Variants in ERG observed in about 807,000 individuals in gnomAD.
ERG encodes transcriptional regulator ERG.
A neutral mutation model predicts 55.3 loss-of-function variants in ERG; 9 were observed. The observed-to-expected ratio is 0.16, with a 90% CI of 0.10 to 0.28. The LOEUF (loss-of-function observed/expected upper bound fraction) is 0.28, where lower values mean the gene tolerates loss of function less well. Ranked by LOEUF, ERG falls within the 10% of genes least tolerant of loss-of-function variation. The pLI, the probability that ERG is intolerant of heterozygous loss-of-function variation, is 1.00. For synonymous variants in ERG, 223 were observed against 237.3 expected (o/e 0.94, Z 0.55); for missense variants, 434 against 631.6 (o/e 0.69, Z 3.35).
chr21:38,475,434 C>T lies in ERG; in HGVS notation c.18+22929G>A, dbSNP rs557331748. On this transcript the variant is annotated intron_variant, in intron 1 of 9. Coordinates refer to ENST00000288319, the MANE Select transcript of ERG (RefSeq NM_182918.4). Reference sequence around the variant, plus strand: ...CCCGATTACAATCAAAGCAGATGGACCCTTCCTTAGGGTAGGGCTGTTCTT... The same window carrying T: ...CCCGATTACAATCAAAGCAGATGGATCCTTCCTTAGGGTAGGGCTGTTCTT... Among the ~76,000 whole-genome samples the T allele has an allele frequency of 3.5e-4, 53 of 152,266 alleles. No homozygotes were observed. The South Asian group carries it at 9.7e-3, about 28-fold the overall frequency.
intron 3 of ERG, among the ~76,000 whole-genome samples, chr21:38,415,872 G>A (rs1220095069): frequency 6.6e-6 from 1 of 152,062 alleles, no homozygotes; most frequent in Admixed American, 6.6e-5. Context: ...CAGAATCCAA[G>A]TGCTGGCTGT....
chr21:38,650,087 A>C (rs2060479765), intron 1 of ERG, among the ~76,000 whole-genome samples: 1 of 151,614 alleles, frequency 6.6e-6, no homozygotes, highest in Non-Finnish European at 1.5e-5. Context: ...TTTATTTAGC[A>C]GTTTTTGTTT....
rs190091992 is a variant in ERG at position 38,630,608 on chromosome 21, T to C, written c.-150+31050A>G. 3.0e-3 allele frequency among the ~76,000 whole-genome samples: 457 copies of C among 152,344 alleles called. 6 individuals carry two copies. The highest frequency in any genetic ancestry group is 0.011 in the African/African-American group (440 of 41,584). On this transcript the variant is annotated intron_variant, in intron 1 of 10. Transcript: ENST00000398910. ...CATGGCTTCAAGGGAAGCTGGGCAA[T>C]GTTGACTTTGTTCTGGGCACCCATC...
intron 2 of ERG, among the ~76,000 whole-genome samples, chr21:38,553,941 G>T (rs978314913): frequency 1.3e-5 from 2 of 151,190 alleles, no homozygotes; most frequent in African/African-American, 4.9e-5. Flanking sequence ...TCCAACAAAG[G>T]TCTAATATGC....
chr21:38,460,853 G>C lies in ERG; in HGVS notation c.19-15232C>G, dbSNP rs2059035392. 6.6e-6 allele frequency among the ~76,000 whole-genome samples: 1 copy of C among 152,166 alleles called. No homozygotes were observed. The highest frequency in any genetic ancestry group is 1.5e-5 in the Non-Finnish European group (1 of 68,028). On this transcript the variant is annotated intron_variant, in intron 1 of 9. Transcript: ENST00000288319. This position sits in a 1 kb window ranked among gnomAD's most constrained non-coding sequence, Gnocchi z 5.0. ...CTCTGAATGGCAAATGGCAGACAAT[G>C]GTGTCACTTCCTTTCTGCTTAGGAA...
chr21:38,453,799 G>A (rs755698061), intron 1 of ERG, among the ~76,000 whole-genome samples: 3 of 150,142 alleles, frequency 2.0e-5, no homozygotes, highest in Non-Finnish European at 4.4e-5. Context: ...CAAGAGAATC[G>A]CTTGAACCCG....
At chr21:38,633,830 C>T (rs74834874) in intron 1 of ERG, among the ~76,000 whole-genome samples, 3 of 151,332 alleles carry the variant, frequency 2.0e-5, no homozygotes, top group African/African-American at 7.3e-5. Flanking sequence ...TTTTAAAGGT[C>T]CTTCTTTTTA....
chr21:38,382,747 C>T lies in ERG; in HGVS notation c.*656G>A. The T allele has an allele frequency of 9.4e-7, 1 of 1,066,430 alleles. No homozygotes were observed. The highest frequency in any genetic ancestry group is 1.1e-6 in the Non-Finnish European group (1 of 879,684). 66.1% of individuals were successfully genotyped at this position (1,066,430 alleles called of 1,614,324 possible). ...CGCTCACTCTATACACATCCTCAGT[C>T]CCACCTTTTAGTTCATAGTCCCGGT... On this transcript the variant is annotated 3_prime_UTR_variant, in exon 10 of 10. Transcript: ENST00000288319.
intron 2 of ERG, among the ~76,000 whole-genome samples, chr21:38,556,913 C>A (rs1241153012): frequency 6.6e-6 from 1 of 152,188 alleles, no homozygotes; most frequent in Non-Finnish European, 1.5e-5. Flanking sequence ...CTGATTAACG[C>A]TGGGGTAGCC....
intron 3 of ERG, among the ~76,000 whole-genome samples, chr21:38,407,646 T>TATATATG (rs34894423): frequency 7.0e-6 from 1 of 142,636 alleles, no homozygotes; most frequent in Non-Finnish European, 1.5e-5. Context: ...ATATATATAT[T>TATATATG]TAATGTATAT....
intron 1 of ERG, among the ~76,000 whole-genome samples, chr21:38,630,109 G>A (rs182308667): frequency 1.1e-4 from 16 of 152,218 alleles, no homozygotes; most frequent in African/African-American, 3.6e-4. Flanking sequence ...TGGAAAGGGG[G>A]AAGGGGGAAT....
chr21:38,373,644 C>T, the ERG span, among the ~76,000 whole-genome samples: 495 of 152,284 alleles, frequency 3.3e-3, 10 homozygotes, highest in East Asian at 0.064. Flanking sequence ...ATGTATATTA[C>T]CATCTTGGAG....
chr21:38,578,746 T>C (rs1467566372), intron 1 of ERG, among the ~76,000 whole-genome samples: 1 of 152,044 alleles, frequency 6.6e-6, no homozygotes, highest in Non-Finnish European at 1.5e-5. Flanking sequence ...GCTAGCCAAG[T>C]CCAACCAGAA....
intron 2 of ERG, among the ~76,000 whole-genome samples, chr21:38,560,371 C>A (rs1461271928): frequency 6.6e-6 from 1 of 152,132 alleles, no homozygotes; most frequent in Admixed American, 6.5e-5. Context: ...CACCTCAGGC[C>A]CTGCCTCATC....
chr21:38,538,026 G>A (rs895050684), intron 2 of ERG, among the ~76,000 whole-genome samples: 1 of 152,156 alleles, frequency 6.6e-6, no homozygotes, highest in Non-Finnish European at 1.5e-5. Context: ...GGAAAGTTAA[G>A]AGATTGTCTT....
At position 38,438,808 on chromosome 21, in the gene ERG, A is replaced by G. The variant is rs2211870; in HGVS notation, c.236+6596T>C. Among the ~76,000 whole-genome samples the G allele has an allele frequency of 7.5e-4, 114 of 152,150 alleles. No individual in the cohort carries two copies. In the East Asian group the frequency reaches 0.018, roughly 24 times the overall value. ...CAGCTGCTGGGCTTTCTCATTTTTC[A>G]TCTCCTTGGATCGTGCAACAGAGCA... On this transcript the variant is annotated intron_variant, in intron 2 of 9. Coordinates refer to ENST00000288319, the MANE Select transcript of ERG (RefSeq NM_182918.4).
chr21:38,517,654 C>T (rs1357632856), intron 2 of ERG, among the ~76,000 whole-genome samples: 1 of 152,042 alleles, frequency 6.6e-6, no homozygotes, highest in African/African-American at 2.4e-5. Context: ...GATACTTGCA[C>T]CCACATGTTT....
intron 1 of ERG, among the ~76,000 whole-genome samples, chr21:38,597,133 A>G (rs548796336): frequency 5.9e-4 from 90 of 152,298 alleles, no homozygotes; most frequent in African/African-American, 2.1e-3. Context: ...TGCCTTCCCA[A>G]TTTCAGACTT....
At chr21:38,515,704 T>C (rs1370641942) in intron 2 of ERG, among the ~76,000 whole-genome samples, 1 of 151,952 alleles carries the variant, frequency 6.6e-6, no homozygotes, top group Non-Finnish European at 1.5e-5. Flanking sequence ...GAATATAAGT[T>C]TTCTAGTATT....
Sources: allele counts gnomAD v4.1 joint callset (sites outside exome capture counted in the v4.1 genomes callset), GRCh38; gene constraint gnomAD v4.1.1; non-coding constraint Gnocchi (gnomAD v3.1); transcripts MANE v1.5; gene names NCBI Gene and HGNC (gene_info 2026-07-23, HGNC 2026-07-21).